PGGHG: variants seen among roughly 807,000 people sequenced by gnomAD.
PGGHG encodes ATH1, acid trehalase-like 1.
In PGGHG, 67 loss-of-function variants were observed where a neutral mutation model predicts 74.5. That is an observed-to-expected ratio of 0.90 (90% confidence interval 0.74 to 1.10). The LOEUF (loss-of-function observed/expected upper bound fraction) is 1.10, where lower values mean the gene tolerates loss of function less well. PGGHG is among the 50% of genes least tolerant of loss of function. The pLI is 0.00. For missense variants in PGGHG, 1,034 were observed against 981.5 expected, an observed-to-expected ratio of 1.05 and a Z score of -0.72; for synonymous variants, 496 against 419.9, an observed-to-expected ratio of 1.18 and a Z score of -2.21.
chr11:292,930 G>A lies in PGGHG; in HGVS notation c.1203G>A (p.Arg401=). The A allele has an allele frequency of 5.0e-6, 8 of 1,614,130 alleles. No individual in the cohort carries two copies. Among genetic ancestry groups the A allele is most frequent in the South Asian group, 1.1e-5 (1 of 91,088 alleles). Residue 401 remains arginine (R), a synonymous_variant, in exon 7 of 14, where the codon AGG becomes AGA. Coordinates refer to ENST00000409548, the MANE Select transcript of PGGHG (RefSeq NM_025092.5). ...FREAGGWDVV[R]AVAEFWCSRV... is the part of the protein sequence containing the mutation. ...AGGCTGGTGGCTGGGACGTGGTCAG[G>A]GCTGTGGCCGAGTTTTGGTGCAGTC... is the stretch of plus-strand genomic sequence containing the variant.
chr11:290,549 C>T lies in PGGHG; in HGVS notation c.419C>T (p.Pro140Leu). 1.9e-6 allele frequency: 3 copies of T among 1,551,052 alleles called. No homozygotes were observed. Among genetic ancestry groups the T allele is most frequent in the African/African-American group, 2.7e-5 (2 of 73,202 alleles). The change falls in exon 3 of 14, where the codon CCA (proline) becomes CTA (leucine). Residue 140 changes from proline to leucine, a missense_variant. Pro to Leu is a moderately conservative substitution (Grantham distance 98). Transcript: ENST00000409548. ...CTGCTCCTGCGGTCAGCCTTCTCCC[C>T]AGAAAGCCCAGACCTGGACCTGCAT... is the stretch of plus-strand genomic sequence containing the variant. ...ITLLLRSAFSPESPDLDLHQG... is the reference protein window; with the variant it reads ...ITLLLRSAFSLESPDLDLHQG...
Position 289,598 on chromosome 11 carries a change from A to G in PGGHG, c.-13-206A>G, listed in dbSNP as rs1409232767. ...CAGGGGCTCAGCTGGGTTCCTGGAGATCAACCTTTGGGGTCTGAGCCCCTC... is the reference window on the plus strand; with the variant it reads ...CAGGGGCTCAGCTGGGTTCCTGGAGGTCAACCTTTGGGGTCTGAGCCCCTC... On this transcript the variant is annotated intron_variant, in intron 1 of 13. Transcript: ENST00000409548. This position sits in a 1 kb window ranked among gnomAD's most constrained non-coding sequence, Gnocchi z 5.6. 1 of 620,894 alleles carries G rather than the reference A, an allele frequency of 1.6e-6. No individual in the cohort carries two copies. The highest frequency in any genetic ancestry group is 3.2e-5 in the Admixed American group (1 of 31,028). The allele number at this position is 620,894 out of a possible 1,614,324, so 38.5% of individuals were successfully genotyped here.
At chr11:292,201 G>A in intron 5 of PGGHG, 106 bp downstream of exon 5, 1 of 1,403,128 alleles carries the variant, frequency 7.1e-7, no homozygotes, top group African/African-American at 1.5e-5. Flanking sequence ...GGACAAAGCT[G>A]GGACATCCTA....
Position 290,907 on chromosome 11 carries a change from G to C in PGGHG, c.700G>C (p.Ala234Pro). Residue 234 changes from alanine to proline, a missense_variant, in exon 4 of 14, where the codon GCC becomes CCC. Coordinates refer to ENST00000409548, the MANE Select transcript of PGGHG (RefSeq NM_025092.5). Reference sequence around the variant, plus strand: ...AGCTCTGTATACGGCTCACGCACAGGCCTGGGCCCAGCTCTGGGTAGAATG... The same window carrying C: ...AGCTCTGTATACGGCTCACGCACAGCCCTGGGCCCAGCTCTGGGTAGAATG... ...RGALYTAHAQ[A>P]WAQLWVECGL... 2 of 1,612,294 alleles carry C rather than the reference G, an allele frequency of 1.2e-6. No homozygotes were observed. Among genetic ancestry groups the C allele is most frequent in the South Asian group, 1.1e-5 (1 of 90,972 alleles).
intron 4 of PGGHG, chr11:291,655 T>G (rs1489749728): frequency 4.1e-5 from 13 of 316,850 alleles, no homozygotes. Flanking sequence ...TGTGGCCGTT[T>G]CTTTGATGAG....
chr11:290,376 T>G lies in PGGHG; in HGVS notation c.260-14T>G. On this transcript the variant is annotated splice_polypyrimidine_tract_variant and intron_variant, in intron 2 of 13. Coordinates refer to ENST00000409548, the MANE Select transcript of PGGHG (RefSeq NM_025092.5). ...AGCTTGGCAACCCACCTGCCTTCGC[T>G]TCTGCCTCCCCAGGCTCCTTTCTTC... The G allele has an allele frequency of 3.2e-6, 5 of 1,540,004 alleles. No homozygotes were observed. The highest frequency in any genetic ancestry group is 4.4e-6 in the Non-Finnish European group (5 of 1,146,378).
intron 4 of PGGHG, 156 bp downstream of exon 4, chr11:291,269 G>A (rs1414867805): frequency 2.1e-5 from 19 of 911,784 alleles, no homozygotes; most frequent in East Asian, 5.4e-5. Flanking sequence ...TGGTAGAGGA[G>A]TGATCTAGGT....
chr11:290,312 C>A, intron 2 of PGGHG, 78 bp from the exon 3 acceptor site: 1 of 1,437,002 alleles, frequency 7.0e-7, no homozygotes, highest in Non-Finnish European at 9.4e-7. Flanking sequence ...TGGGGAGAGG[C>A]AGCGGTCGGG....
intron 6 of PGGHG, 85 bp downstream of exon 6, chr11:292,762 C>A: frequency 6.2e-7 from 1 of 1,607,952 alleles, no homozygotes. Context: ...CTGTTTGGGG[C>A]TGGTCCTGGG....
chr11:291,146 G>T, intron 4 of PGGHG, 33 bp downstream of exon 4: 1 of 1,526,972 alleles, frequency 6.5e-7, no homozygotes, highest in Admixed American at 2.0e-5. Context: ...CAGCCACACA[G>T]CAGGCGACAC....
At chr11:293,755 T>C (rs374935944) in intron 10 of PGGHG, 28 bp downstream of exon 10, 1 of 1,613,332 alleles carries the variant, frequency 6.2e-7, no homozygotes, top group South Asian at 1.1e-5. Context: ...GTGGAGTTCC[T>C]ACCCCATTGG....
At position 292,539 on chromosome 11, in the gene PGGHG, C is replaced by G. The variant is rs367953470; in HGVS notation, c.1027-7C>G. 1 of 1,612,892 alleles carries G rather than the reference C, an allele frequency of 6.2e-7. No individual in the cohort carries two copies. The highest frequency in any genetic ancestry group is 8.5e-7 in the Non-Finnish European group (1 of 1,179,744). Reference sequence around the variant, plus strand: ...AAGGTCAAGTCTGCCCCCTCCCAACCCCTCAGGGAGCCAAGTTTGCCTGGG... The same window carrying G: ...AAGGTCAAGTCTGCCCCCTCCCAACGCCTCAGGGAGCCAAGTTTGCCTGGG... On this transcript the variant is annotated splice_region_variant and splice_polypyrimidine_tract_variant and intron_variant, in intron 5 of 13. Transcript: ENST00000409548.
Position 295,467 on chromosome 11 carries a change from C to G in PGGHG, c.*718C>G, listed in dbSNP as rs1845845053. 6.6e-6 allele frequency: 1 copy of G among 152,300 alleles called. No homozygotes were observed. The highest frequency in any genetic ancestry group is 2.1e-4 in the South Asian group (1 of 4,834). The allele number at this position is 152,300 out of a possible 1,614,324, so 9.4% of individuals were successfully genotyped here. On this transcript the variant is annotated 3_prime_UTR_variant, in exon 14 of 14. Coordinates refer to ENST00000409548, the MANE Select transcript of PGGHG (RefSeq NM_025092.5). ...GCGAGACCCCAGCGCTCTCCACGGA[C>G]CAGCCAGAGGGACTGGAGCCAGGTG...
intron 4 of PGGHG, 55 bp downstream of exon 4, chr11:291,168 C>T (rs1564840087): frequency 8.7e-6 from 13 of 1,498,232 alleles, no homozygotes; most frequent in Middle Eastern, 1.8e-4. Flanking sequence ...TGGAGGTCCA[C>T]GGTCTCTGCC....
In PGGHG at chr11:293,436, G is replaced by A. The variant is rs774643498; in HGVS notation, c.1414G>A (p.Asp472Asn). The change falls in exon 9 of 14, where the codon GAC (aspartate) becomes AAC (asparagine). Residue 472 changes from aspartate to asparagine, a missense_variant. Coordinates refer to ENST00000409548, the MANE Select transcript of PGGHG (RefSeq NM_025092.5). ...PIPSQWLAVADKIKVPFDVEQ... is the reference protein window; with the variant it reads ...PIPSQWLAVANKIKVPFDVEQ... ...CCCCAGCCAGTGGCTGGCGGTGGCT[G>A]ACAAGATCAAGGTACCCTTTGACGT... 3 of 1,612,266 alleles carry A rather than the reference G, an allele frequency of 1.9e-6. No homozygotes were observed. The highest frequency in any genetic ancestry group is 2.7e-5 in the African/African-American group (2 of 74,928).
In PGGHG at chr11:289,705, T is replaced by TC; in HGVS notation, c.-13-93dup. On this transcript the variant is annotated intron_variant, in intron 1 of 13. Transcript: ENST00000409548. This position sits in a 1 kb window ranked among gnomAD's most constrained non-coding sequence, Gnocchi z 5.6. ...GGGGCTGCCCAGCTGGTTCCGCAAC[T>TC]CCCCCCAGTTCTGAGGGAGGCTTCA... The TC allele has an allele frequency of 7.2e-7, 1 of 1,382,468 alleles. No homozygotes were observed. Among genetic ancestry groups the TC allele is most frequent in the South Asian group, 1.5e-5 (1 of 66,988 alleles). 85.6% of individuals were successfully genotyped at this position (1,382,468 alleles called of 1,614,324 possible). A position where few individuals can be genotyped will look rare whatever the true frequency, so the allele number is the denominator to read the frequency against.
In PGGHG at chr11:291,924, G is replaced by A. The variant is rs927765621; in HGVS notation, c.907-52G>A. 9.7e-6 allele frequency: 15 copies of A among 1,550,984 alleles called. No homozygotes were observed. In the African/African-American group the frequency reaches 1.8e-4, roughly 18 times the overall value. ...CCGGGGCGGAATGTGGCCAGGAGGG[G>A]CGGGAGCAGTGACGGCCTGTCCGGC... is the stretch of plus-strand genomic sequence containing the variant. On this transcript the variant is annotated intron_variant, in intron 4 of 13. Coordinates refer to ENST00000409548, the MANE Select transcript of PGGHG (RefSeq NM_025092.5).
chr11:291,842 G>A (rs1845731861), intron 4 of PGGHG, 134 bp from the exon 5 acceptor site: 7 of 1,309,014 alleles, frequency 5.3e-6, no homozygotes, highest in Non-Finnish European at 7.1e-6. Context: ...GGGAGGGCCT[G>A]CAGATCTGAG....
At position 289,157 on chromosome 11, in the gene PGGHG, G is replaced by C. The variant is rs1000120544; in HGVS notation, c.-96G>C. Reference sequence around the variant, plus strand: ...CTTCCTGGTGGCGCGGCAGCCGGGCGGCTCCTCCTTCCTCCCGGCCCTGGC... The same window carrying C: ...CTTCCTGGTGGCGCGGCAGCCGGGCCGCTCCTCCTTCCTCCCGGCCCTGGC... On this transcript the variant is annotated 5_prime_UTR_variant, in exon 1 of 14. Transcript: ENST00000409548. This position sits in a 1 kb window ranked among gnomAD's most constrained non-coding sequence, Gnocchi z 5.6. The C allele has an allele frequency of 6.6e-6, 1 of 150,886 alleles. No homozygotes were observed. The highest frequency in any genetic ancestry group is 2.4e-5 in the African/African-American group (1 of 41,230). The allele number at this position is 150,886 out of a possible 1,614,324, so 9.3% of individuals were successfully genotyped here. A position where few individuals can be genotyped will look rare whatever the true frequency, so the allele number is the denominator to read the frequency against.
Sources: gnomAD v4.1 joint callset for allele counts on GRCh38, gnomAD v4.1.1 for gene constraint, Gnocchi (gnomAD v3.1) non-coding constraint, MANE v1.5 for transcripts, NCBI Gene and HGNC (gene_info 2026-07-23, HGNC 2026-07-21) for gene names.